The following CMTM8 variants were observed in gnomAD, a reference collection of about 807,000 sequenced individuals.
CMTM8 encodes CKLF like MARVEL transmembrane domain containing 8, also known as CKLF-like MARVEL transmembrane domain-containing protein 8.
In CMTM8, 12 loss-of-function variants were observed where a neutral mutation model predicts 18.6. The ratio of observed to expected loss-of-function variants is 0.65; its 90% confidence interval spans 0.41 to 1.05. The LOEUF (loss-of-function observed/expected upper bound fraction) is 1.05. Ranked by LOEUF, CMTM8 falls within the 50% of genes least tolerant of loss-of-function variation. CMTM8 has a pLI of 0.00. For synonymous variants in CMTM8, 87 were observed against 90.6 expected (o/e 0.96, Z 0.23); for missense variants, 217 against 227.2 (o/e 0.95, Z 0.29).
At chr3:32,369,765 G>T in intron 3 of CMTM8, 119 bp from the exon 4 acceptor site, 1 of 549,848 alleles carries the variant, frequency 1.8e-6, no homozygotes, top group Non-Finnish European at 3.3e-6. Context: ...AGTTTTAGAT[G>T]GCAAAGCCTG....
intron 1 of CMTM8, among the ~76,000 whole-genome samples, chr3:32,344,140 A>G (rs903205740): frequency 2.6e-5 from 4 of 152,188 alleles, no homozygotes; most frequent in Admixed American, 2.0e-4. Flanking sequence ...TGCAGTCACT[A>G]TTTCCAATGC....
At chr3:32,295,468 A>AC (rs1702857673) in intron 1 of CMTM8, among the ~76,000 whole-genome samples, 1 of 142,010 alleles carries the variant, frequency 7.0e-6, no homozygotes. Flanking sequence ...AAAAAAAAAA[A>AC]AAAAAAAAAA....
intron 1 of CMTM8, among the ~76,000 whole-genome samples, chr3:32,298,818 C>T (rs947144836): frequency 6.8e-5 from 8 of 117,332 alleles, no homozygotes; most frequent in South Asian, 5.4e-4. Context: ...TATATATACA[C>T]GTGTGTATGT....
At chr3:32,322,012 C>T (rs1407076337) in intron 1 of CMTM8, among the ~76,000 whole-genome samples, 1 of 152,210 alleles carries the variant, frequency 6.6e-6, no homozygotes, top group African/African-American at 2.4e-5. Context: ...TCCTGTGAAG[C>T]CTAAACCGTT....
intron 1 of CMTM8, among the ~76,000 whole-genome samples, chr3:32,347,659 C>A (rs1392014040): frequency 6.6e-6 from 1 of 152,136 alleles, no homozygotes; most frequent in East Asian, 1.9e-4. Flanking sequence ...ATCAGAGTTC[C>A]CATTTTTATC....
At chr3:32,273,399 G>T (rs1377171827) in intron 1 of CMTM8, among the ~76,000 whole-genome samples, 1 of 151,954 alleles carries the variant, frequency 6.6e-6, no homozygotes, top group Non-Finnish European at 1.5e-5. Flanking sequence ...AATGTTCATC[G>T]CAGCATTATT....
chr3:32,240,333 G>A (rs925265977), intron 1 of CMTM8, among the ~76,000 whole-genome samples: 1 of 152,208 alleles, frequency 6.6e-6, no homozygotes, highest in African/African-American at 2.4e-5. Context: ...TTCCCTCAGC[G>A]AGTATTGAGG....
intron 1 of CMTM8, among the ~76,000 whole-genome samples, chr3:32,325,424 T>C (rs1239021394): frequency 1.3e-5 from 2 of 152,216 alleles, no homozygotes; most frequent in African/African-American, 4.8e-5. Flanking sequence ...CACTTGCTCC[T>C]AGAGTAGGGG....
chr3:32,344,965 AG>A (rs1224743887), intron 1 of CMTM8, among the ~76,000 whole-genome samples: 1 of 152,174 alleles, frequency 6.6e-6, no homozygotes, highest in Non-Finnish European at 1.5e-5. Context: ...TGAGGGTAGG[AG>A]GGTACACACA....
intron 1 of CMTM8, among the ~76,000 whole-genome samples, chr3:32,355,979 T>G (rs1454067748): frequency 6.6e-6 from 1 of 152,196 alleles, no homozygotes. Flanking sequence ...TCATAGACCC[T>G]TATCATACCG....
chr3:32,270,773 G>C (rs1268509456), intron 1 of CMTM8, among the ~76,000 whole-genome samples: 2 of 152,124 alleles, frequency 1.3e-5, no homozygotes, highest in Non-Finnish European at 2.9e-5. Flanking sequence ...TGATGTAAAT[G>C]ACGAGTTAAT....
intron 1 of CMTM8, among the ~76,000 whole-genome samples, chr3:32,248,745 T>A (rs2125529819): frequency 6.6e-6 from 1 of 152,066 alleles, no homozygotes; most frequent in Middle Eastern, 3.4e-3. Flanking sequence ...TGCAGTGGCA[T>A]CATCATAACT....
intron 1 of CMTM8, among the ~76,000 whole-genome samples, chr3:32,349,693 G>A (rs1475717104): frequency 6.6e-6 from 1 of 152,044 alleles, no homozygotes; most frequent in Non-Finnish European, 1.5e-5. Context: ...CAGTGCACAG[G>A]GCAGCACTCC....
chr3:32,297,531 A>C (rs887493003), intron 1 of CMTM8, among the ~76,000 whole-genome samples: 8 of 149,522 alleles, frequency 5.4e-5, no homozygotes, highest in Non-Finnish European at 7.5e-5. Flanking sequence ...AACATTTGTG[A>C]CTAAAGCTCA....
At chr3:32,329,410 G>A (rs1024800515) in intron 1 of CMTM8, among the ~76,000 whole-genome samples, 13 of 152,090 alleles carry the variant, frequency 8.5e-5, no homozygotes, top group Admixed American at 2.6e-4. Flanking sequence ...CAAATTCAAC[G>A]TAGTAAAAGG....
At chr3:32,272,998 G>T (rs1377908716) in intron 1 of CMTM8, among the ~76,000 whole-genome samples, 1 of 152,120 alleles carries the variant, frequency 6.6e-6, no homozygotes, top group Non-Finnish European at 1.5e-5. Flanking sequence ...ATGAAAAGTT[G>T]CTAAACATCA....
intron 1 of CMTM8, among the ~76,000 whole-genome samples, chr3:32,350,725 A>G (rs1032009640): frequency 6.6e-6 from 1 of 152,092 alleles, no homozygotes; most frequent in Admixed American, 6.6e-5. Flanking sequence ...GGGTTTCACC[A>G]TATTGGCCAG....
At chr3:32,267,663 C>T (rs1480519798) in intron 1 of CMTM8, among the ~76,000 whole-genome samples, 6 of 152,092 alleles carry the variant, frequency 3.9e-5, no homozygotes, top group Admixed American at 2.6e-4. Flanking sequence ...AGTGAACAGG[C>T]AACCCACAAA....
chr3:32,274,744 A>C (rs1265472760), intron 1 of CMTM8, among the ~76,000 whole-genome samples: 2 of 152,222 alleles, frequency 1.3e-5, no homozygotes, highest in Non-Finnish European at 2.9e-5. Context: ...TATTACATAT[A>C]GTCATCATGT....
Sources: allele counts gnomAD v4.1 joint callset (sites outside exome capture counted in the v4.1 genomes callset), GRCh38; gene constraint gnomAD v4.1.1; transcripts MANE v1.5; gene names NCBI Gene and HGNC (gene_info 2026-07-23, HGNC 2026-07-21).